TIAM1: variants seen among roughly 807,000 people sequenced by gnomAD.
TIAM1 encodes the protein rho guanine nucleotide exchange factor TIAM1.
Under a neutral mutation model 163.5 loss-of-function variants are expected in TIAM1, and 65 were observed. The ratio of observed to expected loss-of-function variants is 0.40; its 90% CI spans 0.33 to 0.49. The LOEUF (loss-of-function observed/expected upper bound fraction) is 0.49, where lower values mean the gene tolerates loss of function less well. TIAM1 is among the 20% of genes least tolerant of loss of function. The pLI is 0.77. For missense variants in TIAM1, 1,789 were observed against 2,044.7 expected, an observed-to-expected ratio of 0.87 and a Z score of 2.41; for synonymous variants, 833 against 810.1, an observed-to-expected ratio of 1.03 and a Z score of -0.48.
rs530284740 is a variant in TIAM1, at chr21:31,392,305, T to C, written c.-368-52883A>G. ...CGAAAATGAGGCTGGGCGCGGTGGC[T>C]CACGCCTGTAATCCCAGCACTTTGG... On this transcript the variant is annotated intron_variant, in intron 2 of 28. Coordinates refer to the TIAM1 transcript ENST00000286827. Among the ~76,000 whole-genome samples, 4 of 152,214 alleles carry C rather than the reference T, an allele frequency of 2.6e-5. No individual in the cohort carries two copies. In the South Asian group the frequency reaches 8.3e-4, roughly 32 times the overall value.
intron 27 of TIAM1, among the ~76,000 whole-genome samples, chr21:31,123,378 C>T (rs1048490695): frequency 6.6e-6 from 1 of 152,100 alleles, no homozygotes; most frequent in African/African-American, 2.4e-5. Context: ...TCTTCCATGG[C>T]GACCCCATGC....
chr21:31,528,482 T>C (rs2047858868), intron 1 of TIAM1, among the ~76,000 whole-genome samples: 1 of 150,990 alleles, frequency 6.6e-6, no homozygotes, highest in East Asian at 2.0e-4. Context: ...CGCGCCTCCA[T>C]ACTCCAGCCT....
At chr21:31,350,573 G>A (rs767024468) in intron 2 of TIAM1, among the ~76,000 whole-genome samples, 4 of 152,036 alleles carry the variant, frequency 2.6e-5, no homozygotes, top group African/African-American at 4.8e-5. Context: ...GTCAGTTCTC[G>A]CAAGATCTGG....
intron 2 of TIAM1, among the ~76,000 whole-genome samples, chr21:31,401,128 T>G (rs1253392985): frequency 6.6e-6 from 1 of 152,168 alleles, no homozygotes; most frequent in Non-Finnish European, 1.5e-5. Context: ...TCTGCATTTT[T>G]TAAGTCGAAG....
intron 11 of TIAM1, among the ~76,000 whole-genome samples, chr21:31,207,692 A>C (rs1173335444): frequency 6.6e-6 from 1 of 152,216 alleles, no homozygotes; most frequent in Non-Finnish European, 1.5e-5. Flanking sequence ...TGCTTTTCCA[A>C]AGACCATCAA....
At chr21:31,414,149 A>G (rs533025240) in intron 2 of TIAM1, among the ~76,000 whole-genome samples, 1 of 152,190 alleles carries the variant, frequency 6.6e-6, no homozygotes, top group Non-Finnish European at 1.5e-5. Flanking sequence ...AGAGTTGCGG[A>G]GAAAAATCTT....
In TIAM1 at chr21:31,135,811, C is replaced by T. The variant is rs544704233; in HGVS notation, c.3883+122G>A. ...GATGTTGGTGGCTACGGCAGGAAGA[C>T]CGATTCAAGTAACTGCAATTAACTT... On this transcript the variant is annotated intron_variant, in intron 23 of 27. Coordinates refer to ENST00000541036, the MANE Select transcript of TIAM1 (RefSeq NM_001353694.2). The T allele has an allele frequency of 3.2e-4, 280 of 863,870 alleles. 2 individuals are homozygous for T. Among genetic ancestry groups the T allele is most frequent in the East Asian group, 1.2e-3 (47 of 37,764 alleles). The allele number at this position is 863,870 out of a possible 1,614,324, so 53.5% of individuals were successfully genotyped here. A position where few individuals can be genotyped will look rare whatever the true frequency, so the allele number is the denominator to read the frequency against.
chr21:31,316,749 G>A (rs149086478), intron 2 of TIAM1, among the ~76,000 whole-genome samples: 4 of 152,292 alleles, frequency 2.6e-5, no homozygotes, highest in African/African-American at 7.2e-5. Context: ...ACAGAGGAGA[G>A]AGTTTGGGAG....
At chr21:31,351,010 G>A (rs1411961101) in intron 2 of TIAM1, among the ~76,000 whole-genome samples, 1 of 152,178 alleles carries the variant, frequency 6.6e-6, no homozygotes, top group African/African-American at 2.4e-5. Context: ...GAATCCACTT[G>A]TCTTGTGTTC....
chr21:31,270,785 C>G (rs1387505309), intron 3 of TIAM1, among the ~76,000 whole-genome samples: 1 of 152,196 alleles, frequency 6.6e-6, no homozygotes, highest in Non-Finnish European at 1.5e-5. Context: ...TGGCCCAAGA[C>G]AATTCTTCTT....
At chr21:31,343,495 A>G (rs1277359563) in intron 1 of TIAM1, among the ~76,000 whole-genome samples, 1 of 152,206 alleles carries the variant, frequency 6.6e-6, no homozygotes, top group Non-Finnish European at 1.5e-5. Flanking sequence ...CATTTAAAAA[A>G]ATGATCCAGA....
At chr21:31,412,637 C>G (rs2043238659) in intron 2 of TIAM1, among the ~76,000 whole-genome samples, 1 of 151,712 alleles carries the variant, frequency 6.6e-6, no homozygotes, top group Non-Finnish European at 1.5e-5. Flanking sequence ...CAAAAATTAG[C>G]CGGGCATGAT....
At chr21:31,160,516 T>C in intron 16 of TIAM1, 1 of 398,688 alleles carries the variant, frequency 2.5e-6, no homozygotes. Flanking sequence ...CGCTTTATTT[T>C]CCACAGTGCA....
chr21:31,258,288 C>T (rs1431486590), intron 4 of TIAM1, among the ~76,000 whole-genome samples: 1 of 152,178 alleles, frequency 6.6e-6, no homozygotes, highest in Non-Finnish European at 1.5e-5. Flanking sequence ...CACTGCTGCT[C>T]ATTTTCCACC....
At chr21:31,416,905 C>T (rs530000618) in intron 2 of TIAM1, among the ~76,000 whole-genome samples, 2 of 152,274 alleles carry the variant, frequency 1.3e-5, no homozygotes, top group South Asian at 2.1e-4. Context: ...GGTGTGGGAC[C>T]GAATCAACAA....
At chr21:31,327,660 A>AC (rs2075537490) in intron 2 of TIAM1, among the ~76,000 whole-genome samples, 1 of 150,544 alleles carries the variant, frequency 6.6e-6, no homozygotes, top group Non-Finnish European at 1.5e-5. Flanking sequence ...AAAAAAAAAA[A>AC]AAGGAAAGAA....
At chr21:31,545,260 G>T (rs2048451427) in intron 1 of TIAM1, among the ~76,000 whole-genome samples, 1 of 152,142 alleles carries the variant, frequency 6.6e-6, no homozygotes, top group Admixed American at 6.6e-5. Flanking sequence ...ACAAGCCAAG[G>T]ATTGCCTGGA....
chr21:31,471,890 ATAATAAT>A (rs1205895569), intron 1 of TIAM1, among the ~76,000 whole-genome samples: 3 of 69,892 alleles, frequency 4.3e-5, no homozygotes, highest in Non-Finnish European at 6.4e-5. Context: ...AATAATAATA[ATAATAAT>A]AATAAAGGGA....
intron 22 of TIAM1, among the ~76,000 whole-genome samples, chr21:31,137,729 A>G (rs2082679964): frequency 6.6e-6 from 1 of 151,412 alleles, no homozygotes; most frequent in African/African-American, 2.4e-5. Flanking sequence ...TGTGACTTAG[A>G]GCCCACCTTC....
Sources: gnomAD v4.1 joint callset for allele counts (sites outside exome capture counted in the v4.1 genomes callset) on GRCh38, gnomAD v4.1.1 for gene constraint, MANE v1.5 for transcripts, NCBI Gene and HGNC (gene_info 2026-07-23, HGNC 2026-07-21) for gene names.